Variants in FBLN1 observed in about 807,000 individuals in gnomAD.
FBLN1 encodes fibulin 1.
Under a neutral mutation model 89.7 loss-of-function variants are expected in FBLN1, and 34 were observed. That is an observed-to-expected ratio of 0.38 (90% confidence interval 0.29 to 0.50). FBLN1 has a LOEUF of 0.50. Ranked by LOEUF, FBLN1 falls within the 20% of genes least tolerant of loss-of-function variation. The probability of loss-of-function intolerance (pLI) is 0.92; values close to 1 mark genes in which losing one functional copy is unlikely to be tolerated. For synonymous variants in FBLN1, 393 were observed against 391.3 expected (o/e 1.00, Z -0.05); for missense variants, 777 against 988.1 (o/e 0.79, Z 2.86).
rs955737386 is a variant in FBLN1 at position 45,532,976 on chromosome 22, G to A, written c.545-87G>A. ...TCCTGGGTTCGTCTGCCCAGAGGGCGTTTTCTATGACCCAGCCTGAACGGA... is the reference window on the plus strand; with the variant it reads ...TCCTGGGTTCGTCTGCCCAGAGGGCATTTTCTATGACCCAGCCTGAACGGA... On this transcript the variant is annotated intron_variant, in intron 5 of 16. Transcript: ENST00000327858. This position sits in a 1 kb window ranked among gnomAD's most constrained non-coding sequence, Gnocchi z 4.2. The A allele has an allele frequency of 4.3e-5, 56 of 1,289,404 alleles. 1 individual carries two copies. The highest frequency in any genetic ancestry group is 2.8e-4 in the South Asian group (23 of 83,168). The allele number at this position is 1,289,404 out of a possible 1,614,324, so 79.9% of individuals were successfully genotyped here.
chr22:45,538,783 G>C (rs966091242), intron 8 of FBLN1, among the ~76,000 whole-genome samples: 25 of 152,060 alleles, frequency 1.6e-4, no homozygotes, highest in Admixed American at 1.4e-3. Context: ...TGATTTCCTT[G>C]TGTAGCCAGA....
In FBLN1 at chr22:45,563,271, T is replaced by C; in HGVS notation, c.1698-11240T>C. 1 of 1,613,482 alleles carries C rather than the reference T, an allele frequency of 6.2e-7. No individual in the cohort carries two copies. The highest frequency in any genetic ancestry group is 8.5e-7 in the Non-Finnish European group (1 of 1,180,038). ...TTTGTGTCTGCAGAGCTCTGAGCAC[T>C]CGCTTCGCGTCGCGGGGTCTCCCTC... On this transcript the variant is annotated intron_variant, in intron 14 of 16. Coordinates refer to ENST00000327858, the MANE Select transcript of FBLN1 (RefSeq NM_006486.3). The surrounding 1 kb of genome is among the most constrained non-coding windows in gnomAD (Gnocchi z 5.7).
intron 16 of FBLN1, among the ~76,000 whole-genome samples, chr22:45,594,258 G>A (rs1338584476): frequency 6.6e-6 from 1 of 152,146 alleles, no homozygotes; most frequent in African/African-American, 2.4e-5. Flanking sequence ...AAGAACAGTG[G>A]TGTAGAATTC....
chr22:45,551,319 T>C (rs1569252171), intron 14 of FBLN1, among the ~76,000 whole-genome samples: 3 of 152,244 alleles, frequency 2.0e-5, no homozygotes, highest in Non-Finnish European at 4.4e-5. Context: ...GACTGTGGAC[T>C]TGTGACCTCT....
chr22:45,598,359 T>TTA (rs2089203564), intron 16 of FBLN1, among the ~76,000 whole-genome samples: 1 of 152,194 alleles, frequency 6.6e-6, no homozygotes, highest in Admixed American at 6.5e-5. Flanking sequence ...TGTTAGATAG[T>TTA]TACCCCACAT....
intron 4 of FBLN1, 76 bp downstream of exon 4, chr22:45,528,085 G>T: frequency 6.5e-7 from 1 of 1,538,150 alleles, no homozygotes; most frequent in Non-Finnish European, 9.0e-7. Context: ...CGAGAGTGGA[G>T]AGAGAGAGAT....
At chr22:45,508,184 CTG>C (rs1351785351) in intron 1 of FBLN1, among the ~76,000 whole-genome samples, 1 of 152,152 alleles carries the variant, frequency 6.6e-6, no homozygotes, top group African/African-American at 2.4e-5. Context: ...GGTAGCAAGA[CTG>C]TGGGTGCATA....
intron 14 of FBLN1, among the ~76,000 whole-genome samples, chr22:45,554,080 G>A (rs2088743524): frequency 1.3e-5 from 2 of 152,232 alleles, no homozygotes; most frequent in South Asian, 4.1e-4. Context: ...TGCCCCTTAC[G>A]ACACACCACG....
At position 45,590,646 on chromosome 22, in the gene FBLN1, G is replaced by A. The variant is rs574935982; in HGVS notation, c.1973-9661G>A. On this transcript the variant is annotated intron_variant, in intron 16 of 16. Transcript: ENST00000327858. The surrounding 1 kb of genome is among the most constrained non-coding windows in gnomAD (Gnocchi z 4.1). ...AGGTAGATGCGACGAGGCCGGAACT[G>A]AGGCCAGGTGGGGTTGTGGGGAGAG... Among the ~76,000 whole-genome samples, 1 of 152,192 alleles carries A rather than the reference G, an allele frequency of 6.6e-6. No individual in the cohort carries two copies. Among genetic ancestry groups the A allele is most frequent in the Non-Finnish European group, 1.5e-5 (1 of 68,040 alleles).
rs1003654321 is a variant in FBLN1 at position 45,526,388 on chromosome 22, G to C, written c.321+710G>C. ...TGCCTGACAGCATTGCCTACAGGCA[G>C]TAAACCCAAGGTGTCCAGGCCATCC... is the stretch of plus-strand genomic sequence containing the variant. On this transcript the variant is annotated intron_variant, in intron 3 of 16. Coordinates refer to ENST00000327858, the MANE Select transcript of FBLN1 (RefSeq NM_006486.3). 4.6e-5 allele frequency among the ~76,000 whole-genome samples: 7 copies of C among 152,226 alleles called. 1 individual carries two copies. The highest frequency in any genetic ancestry group is 1.7e-4 in the African/African-American group (7 of 41,474).
At chr22:45,523,137 G>A (rs1333756445) in intron 2 of FBLN1, 2 of 778,812 alleles carry the variant, frequency 2.6e-6, no homozygotes, top group Non-Finnish European at 4.8e-6. Flanking sequence ...TGGGGCGTGG[G>A]CAGTATGGAA....
At chr22:45,539,868 G>A (rs1013661876) in intron 8 of FBLN1, among the ~76,000 whole-genome samples, 1 of 152,220 alleles carries the variant, frequency 6.6e-6, no homozygotes, top group South Asian at 2.1e-4. Flanking sequence ...GTCTGAGTGA[G>A]GAACCTGCAG....
chr22:45,534,035 C>A, intron 7 of FBLN1, 137 bp downstream of exon 7: 1 of 1,217,268 alleles, frequency 8.2e-7, no homozygotes, highest in Non-Finnish European at 1.2e-6. Flanking sequence ...TGCTCATCTG[C>A]AGGAGGGAGG....
Position 45,542,173 on chromosome 22 carries a change from C to T in FBLN1, c.1085C>T (p.Pro362Leu). The change falls in exon 10 of 17, where the codon CCA becomes CTA. Residue 362 changes from proline to leucine, a missense_variant. Pro to Leu is a moderately conservative substitution (Grantham distance 98). Transcript: ENST00000327858. ...TTGCAAGATGTGGACGAGTGCGCGCCACCTGCTGAGCCCTGTGGGAAGGGA... is the reference window on the plus strand; with the variant it reads ...TTGCAAGATGTGGACGAGTGCGCGCTACCTGCTGAGCCCTGTGGGAAGGGA... ...TRCVDVDECA[P>L]PAEPCGKGHR... 4 of 1,614,222 alleles carry T rather than the reference C, an allele frequency of 2.5e-6. No homozygotes were observed. The highest frequency in any genetic ancestry group is 3.4e-6 in the Non-Finnish European group (4 of 1,180,040).
intron 14 of FBLN1, among the ~76,000 whole-genome samples, chr22:45,554,218 C>G (rs2088746729): frequency 6.6e-6 from 1 of 152,016 alleles, no homozygotes; most frequent in African/African-American, 2.4e-5. Context: ...GCTCCCTGCA[C>G]CCGGAAGCGC....
intron 10 of FBLN1, 34 bp from the exon 11 acceptor site, chr22:45,543,367 C>T (rs750762516): frequency 2.4e-5 from 38 of 1,608,656 alleles, no homozygotes; most frequent in South Asian, 4.4e-5. Flanking sequence ...CTGTGTTGGA[C>T]ATTGCCCTGA....
In FBLN1 at chr22:45,577,114, T is replaced by C; in HGVS notation, c.1972+6T>C. 6.2e-7 allele frequency: 1 copy of C among 1,613,730 alleles called. No individual in the cohort carries two copies. The highest frequency in any genetic ancestry group is 8.5e-7 in the Non-Finnish European group (1 of 1,179,962). Reference sequence around the variant, plus strand: ...CATGGACGGCATGACCGTGGGTGAGTGGCTGGGAATATCAGCTCTATCCAG... The same window carrying C: ...CATGGACGGCATGACCGTGGGTGAGCGGCTGGGAATATCAGCTCTATCCAG... On this transcript the variant is annotated splice_donor_region_variant and intron_variant, in intron 16 of 16. Coordinates refer to ENST00000327858, the MANE Select transcript of FBLN1 (RefSeq NM_006486.3). The surrounding 1 kb of genome is among the most constrained non-coding windows in gnomAD (Gnocchi z 6.6).
chr22:45,558,859 T>G (rs2088820125), intron 14 of FBLN1: 1 of 152,276 alleles, frequency 6.6e-6, no homozygotes, highest in African/African-American at 2.4e-5. Flanking sequence ...ATTATCAGAT[T>G]TATTTTCCAT....
At chr22:45,547,639 A>T (rs894505182) in intron 12 of FBLN1, among the ~76,000 whole-genome samples, 1 of 151,780 alleles carries the variant, frequency 6.6e-6, no homozygotes, top group African/African-American at 2.4e-5. Context: ...GGCTCAAGTG[A>T]TCCTCTTGCT....
Sources: gnomAD v4.1 joint callset for allele counts (sites outside exome capture counted in the v4.1 genomes callset) on GRCh38, gnomAD v4.1.1 for gene constraint, Gnocchi (gnomAD v3.1) non-coding constraint, MANE v1.5 for transcripts, NCBI Gene and HGNC (gene_info 2026-07-23, HGNC 2026-07-21) for gene names.